ZNF362: variants seen among roughly 807,000 people sequenced by gnomAD.
ZNF362 encodes the protein rotund homolog.
Under a neutral mutation model 42.9 loss-of-function variants are expected in ZNF362, and 11 were observed. That is an observed-to-expected ratio of 0.26 (90% CI 0.16 to 0.42). The LOEUF (loss-of-function observed/expected upper bound fraction) is 0.42, where lower values mean the gene tolerates loss of function less well. ZNF362 is among the 20% of genes least tolerant of loss of function. The probability of loss-of-function intolerance (pLI) is 1.00; values close to 1 mark genes in which losing one functional copy is unlikely to be tolerated. For missense variants in ZNF362, 362 were observed against 576.2 expected, an observed-to-expected ratio of 0.63 and a Z score of 3.81; for synonymous variants, 255 against 257.3, an observed-to-expected ratio of 0.99 and a Z score of 0.09.
the ZNF362 span, among the ~76,000 whole-genome samples, chr1:33,187,181 G>A: frequency 6.6e-6 from 1 of 152,188 alleles, no homozygotes; most frequent in East Asian, 1.9e-4. Context: ...CTGCTCCCTG[G>A]TGGTGTTTAA....
intron 6 of ZNF362, among the ~76,000 whole-genome samples, chr1:33,292,044 T>C (rs1276122385): frequency 6.6e-6 from 1 of 152,222 alleles, no homozygotes; most frequent in East Asian, 1.9e-4. Flanking sequence ...CTTTTCCTAA[T>C]TGAATACCCT....
At chr1:33,186,088 C>T in the ZNF362 span, among the ~76,000 whole-genome samples, 2 of 152,082 alleles carry the variant, frequency 1.3e-5, no homozygotes, top group African/African-American at 4.8e-5. Context: ...TTGTAACCTT[C>T]AAATCAATAC....
At chr1:33,128,000 C>T in the ZNF362 span, among the ~76,000 whole-genome samples, 4 of 152,066 alleles carry the variant, frequency 2.6e-5, no homozygotes, top group East Asian at 7.7e-4. Flanking sequence ...TACTCTCTGC[C>T]ACAGTTTCTG....
chr1:33,211,187 C>A, the ZNF362 span, among the ~76,000 whole-genome samples: 5 of 152,166 alleles, frequency 3.3e-5, no homozygotes, highest in African/African-American at 1.2e-4. Flanking sequence ...CCCTCGCTAG[C>A]CTCCCAAAGT....
chr1:33,241,219 G>T, the ZNF362 span, among the ~76,000 whole-genome samples: 1 of 152,144 alleles, frequency 6.6e-6, no homozygotes, highest in Non-Finnish European at 1.5e-5. Context: ...TATGGATTGG[G>T]CATGGTGGCT....
chr1:33,181,688 T>G, the ZNF362 span: 1 of 544,052 alleles, frequency 1.8e-6, no homozygotes, highest in South Asian at 2.3e-5. This position sits in a 1 kb window ranked among gnomAD's most constrained non-coding sequence, Gnocchi z 6.5. Flanking sequence ...CGATGGGCGC[T>G]GGGAGGAGGC....
At chr1:33,162,911 C>G in the ZNF362 span, 1 of 152,336 alleles carries the variant, frequency 6.6e-6, no homozygotes, top group African/African-American at 2.4e-5. Flanking sequence ...CATTTTCTAG[C>G]TGTGGGACTT....
intron 2 of ZNF362, 28 bp from the exon 3 acceptor site, chr1:33,276,072 C>T (rs747777979): frequency 3.7e-6 from 6 of 1,613,602 alleles, no homozygotes; most frequent in Middle Eastern, 1.7e-4. Context: ...GGGCTCTCTT[C>T]CCGGTGACAG....
At chr1:33,263,895 T>C (rs1645846197) in intron 1 of ZNF362, among the ~76,000 whole-genome samples, 1 of 152,170 alleles carries the variant, frequency 6.6e-6, no homozygotes, top group Non-Finnish European at 1.5e-5. Context: ...TGGTGGGGCC[T>C]GTAGCCGGTC....
Position 33,280,148 on chromosome 1 carries a change from C to T in ZNF362, c.374C>T (p.Pro125Leu), listed in dbSNP as rs772792636. The T allele has an allele frequency of 8.2e-6, 13 of 1,591,394 alleles. No individual in the cohort carries two copies. Among genetic ancestry groups the T allele is most frequent in the South Asian group, 1.1e-5 (1 of 88,372 alleles). Residue 125 changes from proline to leucine, a missense_variant, in exon 5 of 9, where the codon CCG (proline) becomes CTG (leucine). By Grantham distance (98) the Pro-to-Leu change is moderately conservative. Around this residue, in one of 3 missense-constraint regions of ZNF362, gnomAD observed 266 missense variants for 365.4 expected, o/e 0.73. Coordinates refer to ENST00000539719, the MANE Select transcript of ZNF362 (RefSeq NM_152493.3). The surrounding 1 kb of genome is among the most constrained non-coding windows in gnomAD (Gnocchi z 5.6). Reference protein sequence around the residue: ...VTGLGLSTRTPSVSTSESSAG... With the variant: ...VTGLGLSTRTLSVSTSESSAG... ...GGTCTGGGGCTGTCCACCCGGACCC[C>T]GTCTGTGAGCACTTCTGAGTCAAGC...
chr1:33,177,071 A>G, the ZNF362 span, among the ~76,000 whole-genome samples: 30 of 11,114 alleles, frequency 2.7e-3, no homozygotes, highest in Non-Finnish European at 5.6e-3. This position sits in a 1 kb window ranked among gnomAD's most constrained non-coding sequence, Gnocchi z 4.1. Context: ...ACACATGCAC[A>G]CACACACATG....
chr1:33,279,646 C>CTTTTT (rs567406398), intron 4 of ZNF362, among the ~76,000 whole-genome samples: 2 of 147,336 alleles, frequency 1.4e-5, no homozygotes, highest in African/African-American at 2.5e-5. Context: ...AGTTAAGCCT[C>CTTTTT]TTTTTTTTTT....
the ZNF362 span, among the ~76,000 whole-genome samples, chr1:33,250,854 A>AAGAAGAAGG: frequency 1.8e-5 from 2 of 109,364 alleles, no homozygotes; most frequent in African/African-American, 6.8e-5. Flanking sequence ...AGAAAGAAGG[A>AAGAAGAAGG]AGAAGAAGAA....
At chr1:33,269,063 G>A (rs139100936) in intron 1 of ZNF362, among the ~76,000 whole-genome samples, 2 of 152,192 alleles carry the variant, frequency 1.3e-5, no homozygotes, top group Non-Finnish European at 2.9e-5. Flanking sequence ...TCATGGTACA[G>A]ATTGAATGCC....
the ZNF362 span, chr1:33,195,230 C>T: frequency 6.6e-6 from 1 of 152,128 alleles, no homozygotes; most frequent in Non-Finnish European, 1.5e-5. Context: ...CAGATATATA[C>T]AGACTGAGGT....
the ZNF362 span, among the ~76,000 whole-genome samples, chr1:33,173,846 T>C: frequency 6.6e-6 from 1 of 151,610 alleles, no homozygotes; most frequent in African/African-American, 2.4e-5. Flanking sequence ...ACTACAGGCA[T>C]GCATCATGCC....
At chr1:33,175,893 T>C in the ZNF362 span, among the ~76,000 whole-genome samples, 2 of 152,190 alleles carry the variant, frequency 1.3e-5, no homozygotes, top group Non-Finnish European at 2.9e-5. Flanking sequence ...TGTTAGTCCC[T>C]ACCAGGTCTT....
the ZNF362 span, among the ~76,000 whole-genome samples, chr1:33,232,501 T>G: frequency 6.6e-6 from 1 of 152,206 alleles, no homozygotes; most frequent in Non-Finnish European, 1.5e-5. Flanking sequence ...TGACAAGTAA[T>G]CTGCCTGCCT....
At chr1:33,144,233 G>A in the ZNF362 span, among the ~76,000 whole-genome samples, 1 of 151,928 alleles carries the variant, frequency 6.6e-6, no homozygotes, top group Non-Finnish European at 1.5e-5. Context: ...CGCCTCCCGG[G>A]TTCAAGAGAT....
Sources: gnomAD v4.1 joint callset for allele counts (sites outside exome capture counted in the v4.1 genomes callset) on GRCh38, gnomAD v4.1.1 for gene constraint, gnomAD v4.1.1 regional missense constraint, Gnocchi (gnomAD v3.1) non-coding constraint, MANE v1.5 for transcripts, NCBI Gene and HGNC (gene_info 2026-07-23, HGNC 2026-07-21) for gene names.